The following MTF1 variants were observed in gnomAD, a reference collection of about 807,000 sequenced individuals.
MTF1 encodes MRE-binding transcription factor.
A neutral mutation model predicts 70.4 loss-of-function variants in MTF1; 22 were observed. That is an observed-to-expected ratio of 0.31 (90% confidence interval 0.22 to 0.45). The LOEUF is 0.45. MTF1 is among the 20% of genes least tolerant of loss of function. MTF1 has a pLI of 1.00. For missense variants in MTF1, 649 were observed against 922.0 expected, an observed-to-expected ratio of 0.70 and a Z score of 3.83; for synonymous variants, 333 against 352.8, an observed-to-expected ratio of 0.94 and a Z score of 0.63.
rs376610988 is a variant in MTF1, at chr1:37,843,224, C to T, written c.409-3066G>A. On this transcript the variant is annotated intron_variant, in intron 2 of 10. Transcript: ENST00000373036. ...CTATGTTGCCCAGGTTGGTCTGGAACTCCTGGCCCCAAGCAGTCCTCCTGC... is the reference window on the plus strand; with the variant it reads ...CTATGTTGCCCAGGTTGGTCTGGAATTCCTGGCCCCAAGCAGTCCTCCTGC... Among the ~76,000 whole-genome samples, 7 of 152,178 alleles carry T rather than the reference C, an allele frequency of 4.6e-5. 1 individual carries two copies. The highest frequency in any genetic ancestry group is 1.7e-4 in the African/African-American group (7 of 41,534).
At chr1:37,828,493 C>T (rs1239741447) in intron 7 of MTF1, among the ~76,000 whole-genome samples, 2 of 152,076 alleles carry the variant, frequency 1.3e-5, no homozygotes, top group Non-Finnish European at 1.5e-5. Flanking sequence ...TTAGTAGAGA[C>T]GGAGTTTAGC....
chr1:37,849,616 C>T (rs975366212), intron 2 of MTF1, among the ~76,000 whole-genome samples: 4 of 152,134 alleles, frequency 2.6e-5, no homozygotes, highest in South Asian at 4.1e-4. Flanking sequence ...ATGGAGGATA[C>T]ATCACGTCAC....
intron 7 of MTF1, among the ~76,000 whole-genome samples, chr1:37,825,440 T>C (rs571787334): frequency 6.6e-6 from 1 of 152,238 alleles, no homozygotes; most frequent in Admixed American, 6.5e-5. Context: ...TTTTACTATG[T>C]TGTCCAGGCT....
chr1:37,821,043 G>C (rs917146757), intron 9 of MTF1, among the ~76,000 whole-genome samples: 2 of 152,072 alleles, frequency 1.3e-5, no homozygotes, highest in African/African-American at 4.8e-5. Context: ...AGCCAGTCAT[G>C]GTGGTGGGTG....
At chr1:37,846,086 A>G (rs1569879115) in intron 2 of MTF1, among the ~76,000 whole-genome samples, 2 of 152,226 alleles carry the variant, frequency 1.3e-5, no homozygotes, top group Non-Finnish European at 2.9e-5. Flanking sequence ...GAACATTTCA[A>G]TACAACTAAG....
Position 37,822,691 on chromosome 1 carries a change from A to G in MTF1, c.1197T>C (p.Gly399=), listed in dbSNP as rs199808808. ...QTASLTESFN[G]DAESVSDVPP... is the part of the protein sequence containing the mutation. ...GAACATCACTGACTGACTCTGCATC[A>G]CCATTAAAACTTTCAGTCAAGGAAG... Residue 399 remains glycine (G), a synonymous_variant, in exon 9 of 11, where the codon GGT becomes GGC. Transcript: ENST00000373036. The G allele has an allele frequency of 5.6e-6, 9 of 1,610,568 alleles. No homozygotes were observed. The highest frequency in any genetic ancestry group is 7.6e-6 in the Non-Finnish European group (9 of 1,177,602).
intron 4 of MTF1, among the ~76,000 whole-genome samples, chr1:37,838,051 T>C (rs1641197354): frequency 6.6e-6 from 1 of 152,212 alleles, no homozygotes; most frequent in Admixed American, 6.5e-5. Flanking sequence ...TTGACATATA[T>C]GAATAAAAAT....
chr1:37,815,031 C>G lies in MTF1; in HGVS notation c.*105G>C, dbSNP rs1468375966. 5 of 889,232 alleles carry G rather than the reference C, an allele frequency of 5.6e-6. No homozygotes were observed. Among genetic ancestry groups the G allele is most frequent in the Non-Finnish European group, 8.6e-6 (5 of 579,658 alleles). 55.1% of individuals were successfully genotyped at this position (889,232 alleles called of 1,614,324 possible). ...ACGTCTGAAAGGTGAGGATTTCAAA[C>G]AGTAGATTTCTTCATCCTTCAAATT... On this transcript the variant is annotated 3_prime_UTR_variant, in exon 11 of 11. Transcript: ENST00000373036. The surrounding 1 kb of genome is among the most constrained non-coding windows in gnomAD (Gnocchi z 4.5).
At position 37,857,721 on chromosome 1, in the gene MTF1, C is replaced by T; in HGVS notation, c.-51-12G>A. The stretch of plus-strand genomic sequence containing the variant: ...ACGTAATGACTTGTCTGCAACAGAA[C>T]AAAGCCAGAGTTAGAGTCATACCAC... On this transcript the variant is annotated splice_polypyrimidine_tract_variant and intron_variant, in intron 1 of 10. Coordinates refer to ENST00000373036, the MANE Select transcript of MTF1 (RefSeq NM_005955.3). 6.5e-7 allele frequency: 1 copy of T among 1,543,590 alleles called. No homozygotes were observed. The highest frequency in any genetic ancestry group is 1.2e-5 in the South Asian group (1 of 83,222).
intron 1 of MTF1, among the ~76,000 whole-genome samples, chr1:37,858,014 A>AT (rs201351964): frequency 0.02 from 2,328 of 116,500 alleles, 23 homozygotes; most frequent in Non-Finnish European, 0.036. Context: ...CCCATCTCTA[A>AT]TAAAAAAAAA....
intron 7 of MTF1, among the ~76,000 whole-genome samples, chr1:37,824,724 C>A (rs78444661): frequency 0.039 from 5,952 of 152,110 alleles, 382 homozygotes; most frequent in African/African-American, 0.14. Context: ...ATATAATATT[C>A]ATTACCCTGC....
chr1:37,843,613 G>A (rs1486587199), intron 2 of MTF1, among the ~76,000 whole-genome samples: 1 of 152,162 alleles, frequency 6.6e-6, no homozygotes, highest in Non-Finnish European at 1.5e-5. Flanking sequence ...CAGACAATAC[G>A]TAAATGAACC....
intron 2 of MTF1, among the ~76,000 whole-genome samples, chr1:37,851,151 C>CA: frequency 1.3e-5 from 2 of 152,268 alleles, no homozygotes; most frequent in South Asian, 4.1e-4. Flanking sequence ...GGTCATTAAG[C>CA]AAGATTTTCG....
intron 3 of MTF1, among the ~76,000 whole-genome samples, 192 bp from the exon 4 acceptor site, chr1:37,838,948 G>A (rs192087039): frequency 6.6e-6 from 1 of 151,726 alleles, no homozygotes; most frequent in East Asian, 1.9e-4. Flanking sequence ...GGGATTATGG[G>A]AGCCCACAAC....
At chr1:37,839,083 C>T (rs1193333050) in intron 3 of MTF1, among the ~76,000 whole-genome samples, 1 of 152,094 alleles carries the variant, frequency 6.6e-6, no homozygotes, top group Admixed American at 6.5e-5. Flanking sequence ...GGATAACAGG[C>T]ATGAGCCACT....
chr1:37,844,541 C>G (rs1641305555), intron 2 of MTF1, among the ~76,000 whole-genome samples: 1 of 152,120 alleles, frequency 6.6e-6, no homozygotes, highest in Admixed American at 6.5e-5. Flanking sequence ...CTCCTTTGTG[C>G]TGCCAGATAG....
chr1:37,851,318 A>C, intron 2 of MTF1, among the ~76,000 whole-genome samples: 1 of 152,368 alleles, frequency 6.6e-6, no homozygotes, highest in Non-Finnish European at 1.5e-5. Context: ...CAAACTGAAC[A>C]AAGTGCTCAT....
rs1446102137 is a variant in MTF1, at chr1:37,835,063, C to G, written c.990+16G>C. ...GTTCTATGGTACCCAGATCAAGAGA[C>G]AAAAACACTACACACCTCTGATCCA... On this transcript the variant is annotated intron_variant, in intron 6 of 10. Transcript: ENST00000373036. 2.5e-6 allele frequency: 4 copies of G among 1,612,332 alleles called. No individual in the cohort carries two copies. Among genetic ancestry groups the G allele is most frequent in the Middle Eastern group, 1.6e-4 (1 of 6,076 alleles).
intron 9 of MTF1, among the ~76,000 whole-genome samples, chr1:37,819,678 G>A (rs1254185054): frequency 1.3e-5 from 2 of 151,922 alleles, no homozygotes; most frequent in African/African-American, 4.8e-5. Flanking sequence ...GAGGCTGGGC[G>A]TGGTGGCTCA....
Sources: gnomAD v4.1 joint callset for allele counts (sites outside exome capture counted in the v4.1 genomes callset) on GRCh38, gnomAD v4.1.1 for gene constraint, Gnocchi (gnomAD v3.1) non-coding constraint, MANE v1.5 for transcripts, NCBI Gene and HGNC (gene_info 2026-07-23, HGNC 2026-07-21) for gene names.